IDO1: variants seen among roughly 807,000 people sequenced by gnomAD.
The protein encoded by IDO1 is indolamine 2,3 dioxygenase.
In IDO1, 35 loss-of-function variants were observed where a neutral mutation model predicts 38.8. The observed-to-expected ratio is 0.90, with a 90% confidence interval of 0.69 to 1.20. The LOEUF is 1.20. Ranked by LOEUF, IDO1 falls within the 50% of genes most tolerant of loss-of-function variation. The pLI is 0.00. For synonymous variants in IDO1, 171 were observed against 170.0 expected (o/e 1.01, Z -0.05); for missense variants, 509 against 485.1 (o/e 1.05, Z -0.46).
chr8:39,922,965 T>C (rs1201605683), intron 6 of IDO1: 1 of 297,360 alleles, frequency 3.4e-6, no homozygotes, highest in Non-Finnish European at 6.2e-6. Flanking sequence ...AAATGAAACA[T>C]ATACAACTAT....
intron 6 of IDO1, among the ~76,000 whole-genome samples, chr8:39,923,130 A>G (rs950006768): frequency 1.3e-5 from 2 of 152,192 alleles, no homozygotes; most frequent in Admixed American, 1.3e-4. Flanking sequence ...TTGGCAGGGC[A>G]CAGTGGCTCA....
Position 39,915,211 on chromosome 8 carries a change from T to C in IDO1, c.87+1202T>C, listed in dbSNP as rs578010812. Among the ~76,000 whole-genome samples the C allele has an allele frequency of 2.3e-4, 35 of 152,328 alleles. 1 individual carries two copies. Among genetic ancestry groups the C allele is most frequent in the African/African-American group, 8.2e-4 (34 of 41,578 alleles). On this transcript the variant is annotated intron_variant, in intron 1 of 9. Coordinates refer to ENST00000518237, the MANE Select transcript of IDO1 (RefSeq NM_002164.6). ...CCAGAGTCTATGATCTTAAAACCATTATTCCACACTGCCTCTCTTAAGAAG... is the reference window on the plus strand; with the variant it reads ...CCAGAGTCTATGATCTTAAAACCATCATTCCACACTGCCTCTCTTAAGAAG...
In IDO1 at chr8:39,924,762, T is replaced by TGAAC; in HGVS notation, c.697_698insGAAC (p.Tyr233Ter). 1 of 1,608,906 alleles carries TGAAC rather than the reference T, an allele frequency of 6.2e-7. No homozygotes were observed. Among genetic ancestry groups the TGAAC allele is most frequent in the Non-Finnish European group, 8.5e-7 (1 of 1,175,838 alleles). ...AGCATTTTTCAGTGTTCTTCGCATA[T>TGAAC]ATTTGTCTGGGTATGTAGTCTTATG... On this transcript the variant is annotated stop_gained and frameshift_variant, in exon 8 of 10. Transcript: ENST00000518237. LOFTEE classifies it high-confidence loss of function.
At chr8:39,924,441 T>C (rs1263320233) in intron 7 of IDO1, among the ~76,000 whole-genome samples, 1 of 152,210 alleles carries the variant, frequency 6.6e-6, no homozygotes, top group Non-Finnish European at 1.5e-5. Flanking sequence ...TGATTTGTTT[T>C]TTTTTGTCTT....
At position 39,928,132 on chromosome 8, in the gene IDO1, T is replaced by C; in HGVS notation, c.1159T>C (p.Phe387Leu). 6.2e-7 allele frequency: 1 copy of C among 1,613,500 alleles called. No homozygotes were observed. The highest frequency in any genetic ancestry group is 8.5e-7 in the Non-Finnish European group (1 of 1,179,700). Reference sequence around the variant, plus strand: ...AACTGGAGGCACTGATTTAATGAATTTCCTGAAGACTGTAAGAAGTACAAC... The same window carrying C: ...AACTGGAGGCACTGATTTAATGAATCTCCTGAAGACTGTAAGAAGTACAAC... ...KGTGGTDLMN[F>L]LKTVRSTTEK... is the part of the protein sequence containing the mutation. Residue 387 changes from phenylalanine (F) to leucine (L), a missense_variant, in exon 10 of 10, where the codon TTC becomes CTC. Coordinates refer to ENST00000518237, the MANE Select transcript of IDO1 (RefSeq NM_002164.6).
chr8:39,922,539 C>T lies in IDO1; in HGVS notation c.438-13C>T, dbSNP rs1263280610. On this transcript the variant is annotated splice_polypyrimidine_tract_variant and intron_variant, in intron 5 of 9. Transcript: ENST00000518237. ...TTGCTAAACTTCTTGCCTTCCTTAT[C>T]CAATTTCCTCAGGAACATGGACGTT... 2.5e-6 allele frequency: 4 copies of T among 1,582,634 alleles called. No homozygotes were observed. The highest frequency in any genetic ancestry group is 2.6e-6 in the Non-Finnish European group (3 of 1,151,788).
intron 9 of IDO1, 93 bp downstream of exon 9, chr8:39,925,464 G>A: frequency 8.4e-7 from 1 of 1,195,326 alleles, no homozygotes; most frequent in Non-Finnish European, 1.1e-6. Context: ...CATCTTATCT[G>A]AGCTTATCTG....
In IDO1 at chr8:39,928,273, T is replaced by C. The variant is rs1212288283; in HGVS notation, c.*88T>C. 1.3e-5 allele frequency: 11 copies of C among 869,674 alleles called. No individual in the cohort carries two copies. Among genetic ancestry groups the C allele is most frequent in the Non-Finnish European group, 1.6e-5 (9 of 570,128 alleles). The allele number at this position is 869,674 out of a possible 1,614,324, so 53.9% of individuals were successfully genotyped here. A position where few individuals can be genotyped will look rare whatever the true frequency, so the allele number is the denominator to read the frequency against. On this transcript the variant is annotated 3_prime_UTR_variant, in exon 10 of 10. Coordinates refer to ENST00000518237, the MANE Select transcript of IDO1 (RefSeq NM_002164.6). ...CCATTGTAACAGAGCCACAAACTAA[T>C]ACTATGCAATGTTTTACCAATAATG... is the stretch of plus-strand genomic sequence containing the variant.
Position 39,923,403 on chromosome 8 carries a change from C to CAA in IDO1, c.538-49_538-48dup, listed in dbSNP as rs11337517. 7.8e-5 allele frequency: 58 copies of CAA among 746,222 alleles called. 1 individual carries two copies. The highest frequency in any genetic ancestry group is 9.2e-5 in the Non-Finnish European group (45 of 487,504). The allele number at this position is 746,222 out of a possible 1,614,324, so 46.2% of individuals were successfully genotyped here. On this transcript the variant is annotated intron_variant, in intron 6 of 9. Coordinates refer to ENST00000518237, the MANE Select transcript of IDO1 (RefSeq NM_002164.6). ...TGGACAACTGAGCGAGACTCCGTCT[C>CAA]AAAAAAAAAAAAAAAAAAGAAAGAA...
At position 39,917,915 on chromosome 8, in the gene IDO1, C is replaced by T. The variant is rs1807200591; in HGVS notation, c.128C>T (p.Ala43Val). ...TTTTATAATGACTGGATGTTCATTG[C>T]TAAACATCTGCCTGATCTCATAGAG... is the stretch of plus-strand genomic sequence containing the variant. ...PDFYNDWMFIAKHLPDLIESG... is the reference protein window; with the variant it reads ...PDFYNDWMFIVKHLPDLIESG... The change falls in exon 2 of 10, where the codon GCT (alanine) becomes GTT (valine). Residue 43 changes from alanine (A) to valine (V), a missense_variant. Transcript: ENST00000518237. The T allele has an allele frequency of 6.2e-7, 1 of 1,611,286 alleles. No homozygotes were observed. Among genetic ancestry groups the T allele is most frequent in the Admixed American group, 1.7e-5 (1 of 59,968 alleles).
At chr8:39,917,794 G>C (rs2129592137) in intron 1 of IDO1, 81 bp from the exon 2 acceptor site, 1 of 866,108 alleles carries the variant, frequency 1.2e-6, no homozygotes, top group Non-Finnish European at 1.8e-6. Flanking sequence ...GAATGGATGT[G>C]AAGGCAAGGC....
chr8:39,914,082 C>T (rs1347431776), intron 1 of IDO1, 73 bp downstream of exon 1: 4 of 1,058,100 alleles, frequency 3.8e-6, no homozygotes, highest in Non-Finnish European at 5.7e-6. Flanking sequence ...TTAACTTCTA[C>T]TGAACAACTG....
chr8:39,919,088 G>A, intron 4 of IDO1, 155 bp downstream of exon 4: 1 of 749,582 alleles, frequency 1.3e-6, no homozygotes, highest in Non-Finnish European at 2.5e-6. Flanking sequence ...TTCTTGGACT[G>A]CTGTGTCTAC....
chr8:39,923,434 A>G (rs780746858), intron 6 of IDO1, 35 bp from the exon 7 acceptor site: 3 of 1,240,998 alleles, frequency 2.4e-6, no homozygotes, highest in Non-Finnish European at 2.3e-6. Context: ...AAGAAAGAAA[A>G]CCTTAAATGT....
rs1807135050 is a variant in IDO1, at chr8:39,913,948, G to T, written c.26G>T (p.Trp9Leu). ...ATGGCACACGCTATGGAAAACTCCT[G>T]GACAATCAGTAAAGAGTACCATATT... Reference protein sequence around the residue: MAHAMENSWTISKEYHIDE... With the variant: MAHAMENSLTISKEYHIDE... Residue 9 changes from tryptophan to leucine, a missense_variant, in exon 1 of 10, where the codon TGG becomes TTG. Coordinates refer to ENST00000518237, the MANE Select transcript of IDO1 (RefSeq NM_002164.6). 6.4e-7 allele frequency: 1 copy of T among 1,574,432 alleles called. No individual in the cohort carries two copies. The highest frequency in any genetic ancestry group is 8.6e-7 in the Non-Finnish European group (1 of 1,159,790).
At chr8:39,919,460 TTTAA>T (rs1807235663) in intron 4 of IDO1, among the ~76,000 whole-genome samples, 1 of 152,148 alleles carries the variant, frequency 6.6e-6, no homozygotes, top group Non-Finnish European at 1.5e-5. Flanking sequence ...TCAACACATC[TTTAA>T]TTACAGGCAG....
chr8:39,920,882 C>T (rs1043854681), intron 5 of IDO1: 2 of 151,568 alleles, frequency 1.3e-5, no homozygotes, highest in African/African-American at 4.8e-5. Flanking sequence ...TATAAACCCA[C>T]CTTGGTGAAG....
intron 7 of IDO1, 102 bp from the exon 8 acceptor site, chr8:39,924,619 C>T: frequency 1.3e-6 from 1 of 772,854 alleles, no homozygotes; most frequent in South Asian, 1.6e-5. Flanking sequence ...AATGCCTTTT[C>T]CTGCAGCCTG....
intron 8 of IDO1, 95 bp from the exon 9 acceptor site, chr8:39,925,128 A>T: frequency 8.6e-7 from 1 of 1,156,134 alleles, no homozygotes; most frequent in Non-Finnish European, 1.2e-6. Flanking sequence ...ATCTCTTGTC[A>T]CCTTCTGTTC....
Sources: gnomAD v4.1 joint callset for allele counts (sites outside exome capture counted in the v4.1 genomes callset) on GRCh38, gnomAD v4.1.1 for gene constraint, MANE v1.5 for transcripts, NCBI Gene and HGNC (gene_info 2026-07-23, HGNC 2026-07-21) for gene names.